Variants in RPL3 observed in about 807,000 individuals in gnomAD.
RPL3 encodes the protein large ribosomal subunit protein uL3.
A neutral mutation model predicts 46.0 loss-of-function variants in RPL3; 3 were observed. That is an observed-to-expected ratio of 0.07 (90% CI 0.03 to 0.17). The LOEUF (loss-of-function observed/expected upper bound fraction) is 0.17, where lower values mean the gene tolerates loss of function less well. RPL3 is among the 10% of genes least tolerant of loss of function. The pLI is 1.00. For synonymous variants in RPL3, 224 were observed against 190.8 expected, an observed-to-expected ratio of 1.17 and a Z score of -1.43; for missense variants, 387 against 532.7, an observed-to-expected ratio of 0.73 and a Z score of 2.69.
intron 1 of RPL3, 31 bp downstream of exon 1, chr22:39,319,564 A>G (rs1412020457): frequency 6.4e-7 from 1 of 1,563,002 alleles, no homozygotes; most frequent in Admixed American, 1.9e-5. Context: ...GACGCCGGTG[A>G]CAATGAAACG....
chr22:39,313,559 A>G, intron 8 of RPL3, 75 bp downstream of exon 8: 1 of 1,445,546 alleles, frequency 6.9e-7, no homozygotes, highest in Non-Finnish European at 9.6e-7. Context: ...CTCCCACCAC[A>G]GGGCCACCAG....
At chr22:39,314,085 G>A (rs1922527943) in intron 7 of RPL3, 22 bp downstream of exon 7, 1 of 1,600,916 alleles carries the variant, frequency 6.2e-7, no homozygotes, top group African/African-American at 1.3e-5. Context: ...TGGCCTCACA[G>A]AGCAGAACAC....
chr22:39,317,763 G>A, intron 2 of RPL3, 134 bp from the exon 3 acceptor site: 2 of 934,592 alleles, frequency 2.1e-6, no homozygotes, highest in Middle Eastern at 2.3e-4. Context: ...GACTCACAGG[G>A]CTGTCCTTAC....
At chr22:39,318,913 G>A (rs1922871978) in intron 1 of RPL3, 1 of 461,376 alleles carries the variant, frequency 2.2e-6, no homozygotes, top group South Asian at 1.6e-5. Flanking sequence ...ATGCCAATTA[G>A]CAAGGTTTTG....
Position 39,317,648 on chromosome 22 carries a change from A to C in RPL3, c.197-19T>G, listed in dbSNP as rs1249376849. 1.2e-6 allele frequency: 2 copies of C among 1,610,664 alleles called. No homozygotes were observed. The highest frequency in any genetic ancestry group is 1.7e-5 in the Admixed American group (1 of 59,718). ...TTCACCTCTGCAAAAAAAAAGCAGTAGTCAGACTTGGCAGGAGCCCAAGCA... is the reference window on the plus strand; with the variant it reads ...TTCACCTCTGCAAAAAAAAAGCAGTCGTCAGACTTGGCAGGAGCCCAAGCA... On this transcript the variant is annotated intron_variant, in intron 2 of 9. Coordinates refer to ENST00000216146, the MANE Select transcript of RPL3 (RefSeq NM_000967.4).
At chr22:39,318,133 C>A (rs1311915212) in intron 2 of RPL3, 3 of 457,784 alleles carry the variant, frequency 6.6e-6, no homozygotes, top group Non-Finnish European at 1.2e-5. Context: ...GTGTTAACTT[C>A]TCTTTGCTAA....
rs1387445022 is a variant in RPL3, at chr22:39,313,443, C to T, written c.1048-133G>A. 2.1e-6 allele frequency: 3 copies of T among 1,437,042 alleles called. No homozygotes were observed. In the South Asian group the frequency reaches 3.8e-5, roughly 18 times the overall value. 89.0% of individuals were successfully genotyped at this position (1,437,042 alleles called of 1,614,324 possible). ...CCCCACCATCCGGCAGATGAGGACA[C>T]ACTCAAAGCAGCAAACAGCCCAGCA... is the stretch of plus-strand genomic sequence containing the variant. On this transcript the variant is annotated intron_variant, in intron 8 of 9. Transcript: ENST00000216146.
intron 1 of RPL3, chr22:39,319,168 G>A (rs1448931473): frequency 5.0e-5 from 27 of 544,986 alleles, no homozygotes; most frequent in Non-Finnish European, 8.1e-5. Flanking sequence ...AGATATTCAG[G>A]AGGACTCCAC....
Position 39,315,158 on chromosome 22 carries a change from G to A in RPL3, c.688+211C>T, listed in dbSNP as rs148260383. The A allele has an allele frequency of 1.4e-3, 1,149 of 832,280 alleles. 15 individuals carry two copies. The African/African-American group carries it at 0.017, about 12-fold the overall frequency. 51.6% of individuals were successfully genotyped at this position (832,280 alleles called of 1,614,324 possible). ...TACAAAGAGCAAAGGGTCCAGGAAC[G>A]TGTTAAGAAGTTGTCCCCTGGCCCT... On this transcript the variant is annotated intron_variant, in intron 5 of 9. Transcript: ENST00000216146.
chr22:39,317,465 T>C lies in RPL3; in HGVS notation c.361A>G (p.Asn121Asp). 1 of 1,613,332 alleles carries C rather than the reference T, an allele frequency of 6.2e-7. No individual in the cohort carries two copies. The highest frequency in any genetic ancestry group is 8.5e-7 in the Non-Finnish European group (1 of 1,179,478). ...SDECKRRFYKNWHKSKKKAFT... is the reference protein window; with the variant it reads ...SDECKRRFYKDWHKSKKKAFT... ...CTGCATGGCCTCCTCCCTTACCAAT[T>C]CTTATAGAAACGCCTCTTGCATTCA... Residue 121 changes from asparagine to aspartate, a missense_variant, in exon 3 of 10, where the codon AAT becomes GAT. Asn to Asp is a conservative substitution (Grantham distance 23). Transcript: ENST00000216146.
At position 39,316,242 on chromosome 22, in the gene RPL3, A is replaced by AAG. The variant is rs761242170; in HGVS notation, c.501+463_501+464insCT. ...CAACAAGAACGAAATTCTGTCTCTA[A>AAG]AAAAAAAAAAATGCATTTAAGCATA... On this transcript the variant is annotated intron_variant, in intron 4 of 9. Transcript: ENST00000216146. Among the ~76,000 whole-genome samples, 864 of 151,084 alleles carry AAG rather than the reference A, an allele frequency of 5.7e-3. 18 individuals are homozygous for AAG. The highest frequency in any genetic ancestry group is 0.036 in the East Asian group (183 of 5,154).
chr22:39,318,428 G>T lies in RPL3; in HGVS notation c.168C>A (p.Ile56=). The T allele has an allele frequency of 2.5e-6, 4 of 1,613,866 alleles. No individual in the cohort carries two copies. The highest frequency in any genetic ancestry group is 3.4e-6 in the Non-Finnish European group (4 of 1,179,962). The stretch of plus-strand genomic sequence containing the variant: ...ATCCCGGCCTGTCGACTTCCCGCAC[G>T]ATGTGAGTCATGCCAGCCTTGTATC... ...FLGYKAGMTH[I]VREVDRPGSK... is the part of the protein sequence containing the mutation. Residue 56 remains isoleucine, a synonymous_variant, in exon 2 of 10, where the codon ATC becomes ATA. Coordinates refer to ENST00000216146, the MANE Select transcript of RPL3 (RefSeq NM_000967.4).
rs771329578 is a variant in RPL3, at chr22:39,312,993, A to C, written c.1168-9T>G. On this transcript the variant is annotated splice_polypyrimidine_tract_variant and intron_variant, in intron 9 of 9. Coordinates refer to ENST00000216146, the MANE Select transcript of RPL3 (RefSeq NM_000967.4). ...TCTTTCTTCAGTGGTCCCTGTGGGGAGAGAGGCAGTGGTCAGAGGTAGAAG... is the reference window on the plus strand; with the variant it reads ...TCTTTCTTCAGTGGTCCCTGTGGGGCGAGAGGCAGTGGTCAGAGGTAGAAG... 5 of 1,613,582 alleles carry C rather than the reference A, an allele frequency of 3.1e-6. No individual in the cohort carries two copies. In the South Asian group the frequency reaches 5.5e-5, roughly 18 times the overall value.
At chr22:39,318,637 G>GC in intron 1 of RPL3, 45 bp from the exon 2 acceptor site, 2 of 1,499,726 alleles carry the variant, frequency 1.3e-6, no homozygotes, top group South Asian at 2.4e-5. Flanking sequence ...CCAAAGCAGT[G>GC]CCCCCTTCTC....
chr22:39,314,312 A>C, intron 6 of RPL3, 104 bp from the exon 7 acceptor site: 2 of 980,386 alleles, frequency 2.0e-6, no homozygotes, highest in South Asian at 2.7e-5. Flanking sequence ...CTGAGGCCTC[A>C]GTCCCAGTCA....
chr22:39,315,231 G>T, intron 5 of RPL3, 138 bp downstream of exon 5: 1 of 1,211,126 alleles, frequency 8.3e-7, no homozygotes, highest in Non-Finnish European at 1.2e-6. Flanking sequence ...CAGAAGGAAG[G>T]CAGTAGAGAA....
At chr22:39,318,073 G>GA (rs1352765682) in intron 2 of RPL3, 3 of 369,784 alleles carry the variant, frequency 8.1e-6, no homozygotes, top group Admixed American at 4.6e-5. Context: ...AAAAAAACAT[G>GA]AATGAGGCAG....
chr22:39,314,341 G>A, intron 6 of RPL3, 133 bp from the exon 7 acceptor site: 1 of 786,354 alleles, frequency 1.3e-6, no homozygotes, highest in South Asian at 1.7e-5. Context: ...CCCAAGGTCA[G>A]AGCAAAAAGC....
chr22:39,313,332 G>A lies in RPL3; in HGVS notation c.1048-22C>T, dbSNP rs770443532. 7.4e-6 allele frequency: 12 copies of A among 1,613,628 alleles called. No individual in the cohort carries two copies. In the East Asian group the frequency reaches 1.8e-4, roughly 24 times the overall value. ...AGGACTATGGGCCAAGAGGGGAAGGGATTTAGGATTACGAGGAGCCAGGCT... is the reference window on the plus strand; with the variant it reads ...AGGACTATGGGCCAAGAGGGGAAGGAATTTAGGATTACGAGGAGCCAGGCT... On this transcript the variant is annotated intron_variant, in intron 8 of 9. Transcript: ENST00000216146.
Sources: gnomAD v4.1 joint callset for allele counts (sites outside exome capture counted in the v4.1 genomes callset) on GRCh38, gnomAD v4.1.1 for gene constraint, MANE v1.5 for transcripts, NCBI Gene and HGNC (gene_info 2026-07-23, HGNC 2026-07-21) for gene names.